Variants in CPQ observed in about 807,000 individuals in gnomAD.
The protein encoded by CPQ is carboxypeptidase Q, also known as Ser-Met dipeptidase.
In CPQ, 37 loss-of-function variants were observed where a neutral mutation model predicts 45.7. The ratio of observed to expected loss-of-function variants is 0.81; its 90% CI spans 0.62 to 1.07. CPQ has a LOEUF of 1.07. Ranked by LOEUF, CPQ falls within the 50% of genes least tolerant of loss-of-function variation. The pLI is 0.00. For missense variants in CPQ, 537 were observed against 572.9 expected, an observed-to-expected ratio of 0.94 and a Z score of 0.64; for synonymous variants, 186 against 205.8, an observed-to-expected ratio of 0.90 and a Z score of 0.82.
At chr8:96,906,071 GC>G (rs11285259) in intron 4 of CPQ, among the ~76,000 whole-genome samples, 26,068 of 152,102 alleles carry the variant, frequency 0.17, 2,351 homozygotes, top group Non-Finnish European at 0.21. Context: ...TCCTGCCACA[GC>G]CCCAGGCAAT....
At chr8:97,125,342 A>G (rs1811830124) in intron 7 of CPQ, among the ~76,000 whole-genome samples, 1 of 152,164 alleles carries the variant, frequency 6.6e-6, no homozygotes, top group African/African-American at 2.4e-5. Context: ...TGACTATGCA[A>G]ACTTTAAGAA....
intron 4 of CPQ, among the ~76,000 whole-genome samples, chr8:96,924,071 C>T (rs771542591): frequency 2.0e-5 from 3 of 152,166 alleles, no homozygotes; most frequent in Non-Finnish European, 4.4e-5. Context: ...TGGAGAGAGC[C>T]TTCAGGCAGA....
intron 7 of CPQ, among the ~76,000 whole-genome samples, chr8:97,070,954 A>G (rs1192667538): frequency 6.6e-6 from 1 of 152,164 alleles, no homozygotes; most frequent in East Asian, 1.9e-4. Context: ...TCTTGAATAT[A>G]TTTCTTCTTT....
intron 1 of CPQ, among the ~76,000 whole-genome samples, chr8:96,688,667 G>A (rs770577481): frequency 6.6e-6 from 1 of 152,050 alleles, no homozygotes; most frequent in African/African-American, 2.4e-5. Flanking sequence ...CTGCAAAATT[G>A]ACGGTACTAT....
intron 7 of CPQ, among the ~76,000 whole-genome samples, chr8:97,105,133 G>A (rs570404513): frequency 1.3e-5 from 2 of 152,050 alleles, no homozygotes; most frequent in African/African-American, 4.8e-5. Flanking sequence ...CAGCTCTCGG[G>A]TTATAGCTTA....
chr8:96,728,434 C>G (rs964366264), intron 1 of CPQ, among the ~76,000 whole-genome samples: 1 of 152,008 alleles, frequency 6.6e-6, no homozygotes, highest in Non-Finnish European at 1.5e-5. Context: ...CTACTCTTGT[C>G]CTAATGGATT....
rs540332749 is a variant in CPQ at position 97,082,708 on chromosome 8, G to C, written c.1255+16498G>C. Among the ~76,000 whole-genome samples, 6 of 152,006 alleles carry C rather than the reference G, an allele frequency of 3.9e-5. No homozygotes were observed. In the East Asian group the frequency reaches 1.2e-3, roughly 29 times the overall value. On this transcript the variant is annotated intron_variant, in intron 7 of 7. Transcript: ENST00000220763. Reference sequence around the variant, plus strand: ...TTTACTTGAGACGCTCAAACTCACAGGCAAATGAGGAGTTGAATCACTTCA... The same window carrying C: ...TTTACTTGAGACGCTCAAACTCACACGCAAATGAGGAGTTGAATCACTTCA...
At chr8:97,103,221 G>A (rs936702355) in intron 7 of CPQ, among the ~76,000 whole-genome samples, 4 of 152,096 alleles carry the variant, frequency 2.6e-5, no homozygotes, top group Non-Finnish European at 5.9e-5. Flanking sequence ...ACACTCACGG[G>A]CCCTAGGAAT....
chr8:97,123,153 A>AAAATAAAATAAAAT (rs1563587269), intron 7 of CPQ, among the ~76,000 whole-genome samples: 4,730 of 62,824 alleles, frequency 0.075, 723 homozygotes, highest in Admixed American at 0.15. Context: ...TAAAATAAAT[A>AAAATAAAATAAAAT]AAATAAAATA....
At chr8:97,096,841 C>T (rs183774546) in intron 7 of CPQ, among the ~76,000 whole-genome samples, 151 of 152,288 alleles carry the variant, frequency 9.9e-4, no homozygotes, top group African/African-American at 3.4e-3. Context: ...ATCACAAAAG[C>T]AAGGCCCAGG....
intron 1 of CPQ, among the ~76,000 whole-genome samples, chr8:96,777,760 ATTTTTTTTTTTTTTTTT>A (rs1163639654): frequency 1.1e-3 from 16 of 14,056 alleles, no homozygotes; most frequent in African/African-American, 3.7e-3. Context: ...ATATATATAT[ATTTTTTTTTTTTTTTTT>A]TTTTTTTTTT....
intron 1 of CPQ, among the ~76,000 whole-genome samples, chr8:96,763,625 C>A (rs909949356): frequency 1.3e-5 from 2 of 151,918 alleles, no homozygotes; most frequent in Non-Finnish European, 2.9e-5. Context: ...ACATACACAT[C>A]TGCAAAAAGT....
chr8:96,676,503 G>C lies in CPQ; in HGVS notation c.-35+31101G>C, dbSNP rs971059916. On this transcript the variant is annotated intron_variant, in intron 1 of 7. Coordinates refer to ENST00000220763, the MANE Select transcript of CPQ (RefSeq NM_016134.4). ...CAGTATATCATTCTTTTTTATGGCT[G>C]AGTAGTATTCCATTGTGTATATATA... Among the ~76,000 whole-genome samples the C allele has an allele frequency of 6.6e-5, 10 of 152,008 alleles. No homozygotes were observed. The South Asian group carries it at 2.1e-3, about 32-fold the overall frequency.
In CPQ at chr8:96,695,441, G is replaced by A. The variant is rs1191995895; in HGVS notation, c.-35+50039G>A. Among the ~76,000 whole-genome samples the A allele has an allele frequency of 3.3e-5, 5 of 150,228 alleles. No homozygotes were observed. In the East Asian group the frequency reaches 7.8e-4, roughly 23 times the overall value. ...CAACAAAAGCCAAAATTGACAAATG[G>A]GATCTAATTAAACTAAAGAGCTTCT... On this transcript the variant is annotated intron_variant, in intron 1 of 7. Coordinates refer to ENST00000220763, the MANE Select transcript of CPQ (RefSeq NM_016134.4).
At chr8:96,940,230 C>T (rs1487595680) in intron 4 of CPQ, among the ~76,000 whole-genome samples, 1 of 151,990 alleles carries the variant, frequency 6.6e-6, no homozygotes, top group African/African-American at 2.4e-5. Context: ...TCAATTCTTT[C>T]CAACTCTAAA....
intron 1 of CPQ, among the ~76,000 whole-genome samples, chr8:96,674,495 T>C (rs1398012414): frequency 6.6e-6 from 1 of 152,132 alleles, no homozygotes; most frequent in African/African-American, 2.4e-5. Context: ...GTAGAGACTT[T>C]AAAATAATGA....
intron 3 of CPQ, among the ~76,000 whole-genome samples, chr8:96,837,669 A>G (rs1586420842): frequency 6.6e-6 from 1 of 151,406 alleles, no homozygotes; most frequent in South Asian, 2.1e-4. Flanking sequence ...CCATTTCCAA[A>G]CCCCTCTCTC....
intron 1 of CPQ, among the ~76,000 whole-genome samples, chr8:96,660,048 T>C (rs1273703172): frequency 1.7e-4 from 26 of 152,226 alleles, no homozygotes; most frequent in Admixed American, 1.7e-3. Context: ...AGATCTGTAA[T>C]TAAGGTATAT....
chr8:96,736,143 C>A (rs1405730984), intron 1 of CPQ, among the ~76,000 whole-genome samples: 2 of 152,218 alleles, frequency 1.3e-5, no homozygotes, highest in African/African-American at 4.8e-5. Flanking sequence ...TTTGTCCAAT[C>A]CTGGAAGTAT....
Sources: allele counts gnomAD v4.1 joint callset (sites outside exome capture counted in the v4.1 genomes callset), GRCh38; gene constraint gnomAD v4.1.1; transcripts MANE v1.5; gene names NCBI Gene and HGNC (gene_info 2026-07-23, HGNC 2026-07-21).